ASPM: variants seen among roughly 807,000 people sequenced by gnomAD.
ASPM encodes the protein abnormal spindle-like microcephaly-associated protein.
In ASPM, 256 loss-of-function variants were observed where a neutral mutation model predicts 366.4. The ratio of observed to expected loss-of-function variants is 0.70; its 90% CI spans 0.63 to 0.77. The LOEUF (loss-of-function observed/expected upper bound fraction) is 0.77, where lower values mean the gene tolerates loss of function less well. Ranked by LOEUF, ASPM falls within the 30% of genes least tolerant of loss-of-function variation. ASPM has a pLI of 0.00. For missense variants in ASPM, 4,146 were observed against 4,090.4 expected (o/e 1.01, Z -0.37); for synonymous variants, 1,414 against 1,342.9 (o/e 1.05, Z -1.16).
chr1:197,126,635 T>C (rs1175768560), intron 10 of ASPM, among the ~76,000 whole-genome samples: 4 of 152,148 alleles, frequency 2.6e-5, no homozygotes, highest in Non-Finnish European at 4.4e-5. Flanking sequence ...ATGTGAAATA[T>C]TTTAAGCAAA....
chr1:197,102,138 A>G lies in ASPM; in HGVS notation c.7113T>C (p.Asn2371=). The G allele has an allele frequency of 6.2e-7, 1 of 1,612,794 alleles. No individual in the cohort carries two copies. Among genetic ancestry groups the G allele is most frequent in the Non-Finnish European group, 8.5e-7 (1 of 1,179,242 alleles). The change falls in exon 18 of 28, where the codon AAT becomes AAC. Residue 2371 remains asparagine, a synonymous_variant. Transcript: ENST00000367409. The part of the protein sequence containing the change: ...SVVIQQQYQA[N]RAAKLQRQHY... ...GCTGCCTCTGCAGTTTTGCAGCTCTATTTGCTTGGTATTGCTGTTGGATCA... is the reference window on the plus strand; with the variant it reads ...GCTGCCTCTGCAGTTTTGCAGCTCTGTTTGCTTGGTATTGCTGTTGGATCA...
chr1:197,104,210 C>T lies in ASPM; in HGVS notation c.5041G>A (p.Ala1681Thr), dbSNP rs749889567. 1.2e-6 allele frequency: 2 copies of T among 1,612,508 alleles called. No homozygotes were observed. The highest frequency in any genetic ancestry group is 3.3e-5 in the Admixed American group (2 of 59,748). The change falls in exon 18 of 28, where the codon GCT (alanine) becomes ACT (threonine). Residue 1681 changes from alanine to threonine, a missense_variant. Ala to Thr is a moderately conservative substitution (Grantham distance 58). Coordinates refer to ENST00000367409, the MANE Select transcript of ASPM (RefSeq NM_018136.5). ...ACAGTTGACTGCAATTTTATTGTAG[C>T]ATTTTTTAGGCTCAAAAATTCCTTT... ...SKKEFLSLKN[A>T]TIKLQSTVKM...
intron 7 of ASPM, 151 bp from the exon 8 acceptor site, chr1:197,130,207 T>C (rs1658217702): frequency 2.4e-6 from 2 of 822,118 alleles, no homozygotes; most frequent in Non-Finnish European, 2.0e-6. Flanking sequence ...CTTTAAACTA[T>C]GCATATATGA....
At chr1:197,145,641 T>C (rs1223380883) in intron 1 of ASPM, among the ~76,000 whole-genome samples, 2 of 152,110 alleles carry the variant, frequency 1.3e-5, no homozygotes, top group Admixed American at 1.3e-4. Context: ...AAGGTACTCC[T>C]GTCAATCTTA....
chr1:197,134,250 TAAA>T (rs34258529), intron 5 of ASPM, among the ~76,000 whole-genome samples: 24 of 127,314 alleles, frequency 1.9e-4, no homozygotes, highest in Non-Finnish European at 5.6e-5. Flanking sequence ...TAAAAAATAA[TAAA>T]AAAAAAAAAC....
At chr1:197,133,298 TC>T in intron 6 of ASPM, 51 bp downstream of exon 6, 1 of 1,559,690 alleles carries the variant, frequency 6.4e-7, no homozygotes, top group Non-Finnish European at 8.7e-7. Context: ...AAACACAAAA[TC>T]TCTTGAATGT....
chr1:197,137,055 A>G (rs1321266066), intron 4 of ASPM, among the ~76,000 whole-genome samples: 1 of 152,096 alleles, frequency 6.6e-6, no homozygotes, highest in East Asian at 1.9e-4. Flanking sequence ...GCAGAGTGAT[A>G]ATTTTTATAA....
rs767683904 is a variant in ASPM, at chr1:197,102,909, T to C, written c.6342A>G (p.Gln2114=). The change falls in exon 18 of 28, where the codon CAA becomes CAG. Residue 2114 remains glutamine (Q), a synonymous_variant. Coordinates refer to ENST00000367409, the MANE Select transcript of ASPM (RefSeq NM_018136.5). The part of the protein sequence containing the change: ...YRGIRVRRHI[Q]HMHRAATFIK... ...TAAAAGTGGCTGCCCTGTGCATGTG[T>C]TGAATATGTCTTCTAACTCTAATAC... is the stretch of plus-strand genomic sequence containing the variant. The C allele has an allele frequency of 1.9e-6, 3 of 1,612,770 alleles. No individual in the cohort carries two copies. Among genetic ancestry groups the C allele is most frequent in the Non-Finnish European group, 2.5e-6 (3 of 1,179,284 alleles).
chr1:197,144,721 G>C (rs757602077), intron 1 of ASPM, among the ~76,000 whole-genome samples: 8 of 152,140 alleles, frequency 5.3e-5, no homozygotes, highest in Non-Finnish European at 1.0e-4. Flanking sequence ...TAGAACCCAG[G>C]CAGTCTAATG....
chr1:197,145,979 T>A (rs554487948), intron 1 of ASPM, among the ~76,000 whole-genome samples, 162 bp downstream of exon 1: 26 of 152,234 alleles, frequency 1.7e-4, no homozygotes, highest in Non-Finnish European at 3.1e-4. Flanking sequence ...TGATTTCTTT[T>A]CCAAGAGCCA....
intron 26 of ASPM, among the ~76,000 whole-genome samples, chr1:197,087,731 G>A (rs1656642225): frequency 6.6e-6 from 1 of 152,018 alleles, no homozygotes. Flanking sequence ...ATCCACACAT[G>A]CTCTCCCAAA....
At chr1:197,134,417 G>T (rs1374529607) in intron 5 of ASPM, among the ~76,000 whole-genome samples, 1 of 41,454 alleles carries the variant, frequency 2.4e-5, no homozygotes, top group African/African-American at 5.1e-5. Context: ...GTCTCCAACA[G>T]CAAAAAAGAA....
Position 197,104,979 on chromosome 1 carries a change from A to G in ASPM, c.4272T>C (p.Thr1424=), listed in dbSNP as rs1357763748. Residue 1424 remains threonine (T), a synonymous_variant, in exon 18 of 28, where the codon ACT becomes ACC. Transcript: ENST00000367409. ...TTCTGAACATAGATTGGATTATAAG[A>G]GTTGATGATTTTAGCATTTCATATC... The part of the protein sequence containing the change: ...QQRYEMLKSS[T]LIIQSMFRKW... 10 of 1,611,524 alleles carry G rather than the reference A, an allele frequency of 6.2e-6. No homozygotes were observed. The highest frequency in any genetic ancestry group is 7.6e-6 in the Non-Finnish European group (9 of 1,178,858).
intron 1 of ASPM, among the ~76,000 whole-genome samples, chr1:197,144,916 T>G (rs750584683): frequency 7.9e-5 from 12 of 152,346 alleles, no homozygotes; most frequent in Non-Finnish European, 1.8e-4. Flanking sequence ...TGGTGCATTT[T>G]TACTCTATAA....
At chr1:197,108,810 A>G (rs144844409) in intron 17 of ASPM, among the ~76,000 whole-genome samples, 40 of 151,982 alleles carry the variant, frequency 2.6e-4, no homozygotes, top group Non-Finnish European at 4.6e-4. Flanking sequence ...ATCTCCACAA[A>G]AAATACAAAA....
intron 1 of ASPM, 138 bp from the exon 2 acceptor site, chr1:197,144,238 A>G (rs940011399): frequency 6.4e-5 from 39 of 612,938 alleles, no homozygotes; most frequent in Non-Finnish European, 9.9e-5. Flanking sequence ...AATAAATCAA[A>G]TATATTTCTC....
rs138071000 is a variant in ASPM at position 197,084,629 on chromosome 1, C to T, written c.10332-203G>A. Reference sequence around the variant, plus strand: ...TCTCCATCCTTTCTAAAAAATAATGCTGGCTTCTTTGAAGCTTATGCTATT... The same window carrying T: ...TCTCCATCCTTTCTAAAAAATAATGTTGGCTTCTTTGAAGCTTATGCTATT... On this transcript the variant is annotated intron_variant, in intron 27 of 27. Coordinates refer to ENST00000367409, the MANE Select transcript of ASPM (RefSeq NM_018136.5). Among the ~76,000 whole-genome samples, 106 of 152,212 alleles carry T rather than the reference C, an allele frequency of 7.0e-4. 1 individual carries two copies. The East Asian group carries it at 0.02, about 29-fold the overall frequency.
chr1:197,112,567 C>T (rs916612682), intron 17 of ASPM, among the ~76,000 whole-genome samples: 1 of 152,066 alleles, frequency 6.6e-6, no homozygotes, highest in African/African-American at 2.4e-5. Context: ...AACCTGTCTC[C>T]CATTCTATTC....
chr1:197,096,247 TA>T, intron 18 of ASPM, 83 bp from the exon 19 acceptor site: 1 of 1,244,590 alleles, frequency 8.0e-7, no homozygotes, highest in Non-Finnish European at 1.2e-6. Flanking sequence ...TAAAGACAGT[TA>T]AAATAAGGTT....
Sources: gnomAD v4.1 joint callset for allele counts (sites outside exome capture counted in the v4.1 genomes callset) on GRCh38, gnomAD v4.1.1 for gene constraint, MANE v1.5 for transcripts, NCBI Gene and HGNC (gene_info 2026-07-23, HGNC 2026-07-21) for gene names.